FNDC3B: variants seen among roughly 807,000 people sequenced by gnomAD.
FNDC3B encodes fibronectin type III domain-containing protein 3B.
FNDC3B carries 12 observed loss-of-function variants against 151.5 expected under a neutral mutation model. The ratio of observed to expected loss-of-function variants is 0.08; its 90% CI spans 0.05 to 0.13. The LOEUF (loss-of-function observed/expected upper bound fraction) is 0.13. Ranked by LOEUF, FNDC3B falls within the 10% of genes least tolerant of loss-of-function variation. The pLI is 1.00. For missense variants in FNDC3B, 1,214 were observed against 1,505.3 expected (o/e 0.81, Z 3.20); for synonymous variants, 528 against 549.0 (o/e 0.96, Z 0.54).
intron 3 of FNDC3B, among the ~76,000 whole-genome samples, chr3:172,212,240 T>G (rs1725767047): frequency 6.6e-6 from 1 of 152,258 alleles, no homozygotes; most frequent in Admixed American, 6.5e-5. Flanking sequence ...TTTATGGAAC[T>G]CTGTTAATGA....
intron 18 of FNDC3B, 138 bp from the exon 19 acceptor site, chr3:172,343,948 G>A: frequency 1.5e-6 from 1 of 685,512 alleles, no homozygotes. Context: ...TTTTTTGGTG[G>A]GCATGGATTC....
intron 11 of FNDC3B, among the ~76,000 whole-genome samples, chr3:172,318,612 A>G (rs1731932728): frequency 1.3e-5 from 2 of 152,202 alleles, no homozygotes; most frequent in Non-Finnish European, 2.9e-5. Flanking sequence ...GCATGGATGA[A>G]GAGAGCCCCC....
At chr3:172,194,219 C>CAA (rs529754937) in intron 3 of FNDC3B, among the ~76,000 whole-genome samples, 10 of 145,006 alleles carry the variant, frequency 6.9e-5, no homozygotes, top group African/African-American at 2.5e-4. Context: ...GACTCCATCT[C>CAA]AAAAAAAAAA....
At chr3:172,250,618 T>C (rs1412457585) in intron 5 of FNDC3B, among the ~76,000 whole-genome samples, 1 of 152,192 alleles carries the variant, frequency 6.6e-6, no homozygotes, top group African/African-American at 2.4e-5. Flanking sequence ...TGAAAACATA[T>C]TGAAAGGTAA....
At chr3:172,331,128 G>T (rs2061244525) in intron 13 of FNDC3B, among the ~76,000 whole-genome samples, 1 of 152,122 alleles carries the variant, frequency 6.6e-6, no homozygotes, top group Non-Finnish European at 1.5e-5. Flanking sequence ...CTAGGCTTCA[G>T]TCTGTTCTCC....
chr3:172,236,682 G>A (rs1313303516), intron 4 of FNDC3B, among the ~76,000 whole-genome samples: 1 of 152,138 alleles, frequency 6.6e-6, no homozygotes, highest in Non-Finnish European at 1.5e-5. Context: ...TTGCCCATGG[G>A]ATTCTCTATC....
intron 23 of FNDC3B, among the ~76,000 whole-genome samples, chr3:172,377,182 TTCC>T (rs1735192418): frequency 6.6e-6 from 1 of 152,244 alleles, no homozygotes; most frequent in Admixed American, 6.5e-5. Flanking sequence ...AGTGGCCAAC[TTCC>T]AGTATCTGAA....
chr3:172,061,045 C>T (rs138964540), intron 1 of FNDC3B, among the ~76,000 whole-genome samples: 4 of 152,254 alleles, frequency 2.6e-5, no homozygotes, highest in Admixed American at 2.0e-4. Context: ...TGTTTCTATA[C>T]CTCCTGAGCT....
intron 3 of FNDC3B, among the ~76,000 whole-genome samples, chr3:172,176,780 A>G (rs1034819391): frequency 1.3e-5 from 2 of 152,198 alleles, no homozygotes; most frequent in African/African-American, 2.4e-5. Context: ...TATTTGTTGA[A>G]TGAAGCACAG....
chr3:172,330,346 TAGA>T, intron 12 of FNDC3B, 192 bp from the exon 13 acceptor site: 1 of 502,954 alleles, frequency 2.0e-6, no homozygotes, highest in Non-Finnish European at 3.5e-6. Context: ...GTGTGTCTAG[TAGA>T]AGATCATGGG....
chr3:172,312,713 C>T (rs1015589991), intron 11 of FNDC3B, among the ~76,000 whole-genome samples: 3 of 152,176 alleles, frequency 2.0e-5, no homozygotes, highest in East Asian at 3.9e-4. Context: ...TGCCTAAGAC[C>T]GTGAGTTCCT....
At chr3:172,200,161 A>G (rs1725071682) in intron 3 of FNDC3B, among the ~76,000 whole-genome samples, 1 of 152,028 alleles carries the variant, frequency 6.6e-6, no homozygotes, top group Admixed American at 6.5e-5. Context: ...ACATACCCAC[A>G]CTCACTTAGA....
chr3:172,082,715 G>A (rs1041224870), intron 1 of FNDC3B, among the ~76,000 whole-genome samples: 4 of 152,136 alleles, frequency 2.6e-5, no homozygotes, highest in African/African-American at 4.8e-5. Flanking sequence ...ACAGATTCAG[G>A]CCCAGAGAAG....
chr3:172,052,621 C>T (rs1162886911), intron 1 of FNDC3B, among the ~76,000 whole-genome samples: 1 of 152,142 alleles, frequency 6.6e-6, no homozygotes, highest in Non-Finnish European at 1.5e-5. Context: ...AGAAGAATCT[C>T]CTGGGACATT....
chr3:172,144,995 C>G (rs1389218018), intron 3 of FNDC3B, among the ~76,000 whole-genome samples: 1 of 151,900 alleles, frequency 6.6e-6, no homozygotes, highest in Non-Finnish European at 1.5e-5. Flanking sequence ...CCCTCCTCCC[C>G]CTACCACTTT....
chr3:172,076,411 C>G (rs1208558611), intron 1 of FNDC3B, among the ~76,000 whole-genome samples: 1 of 152,128 alleles, frequency 6.6e-6, no homozygotes, highest in Non-Finnish European at 1.5e-5. Context: ...ATGAAATACC[C>G]AAGCGCTCAG....
At chr3:172,156,688 T>G (rs1264522249) in intron 3 of FNDC3B, among the ~76,000 whole-genome samples, 1 of 124,274 alleles carries the variant, frequency 8.0e-6, no homozygotes, top group African/African-American at 3.0e-5. Context: ...AGTGCTGAGT[T>G]TTGAAGTTTT....
intron 3 of FNDC3B, among the ~76,000 whole-genome samples, chr3:172,146,250 G>A (rs1409889014): frequency 6.6e-6 from 1 of 152,188 alleles, no homozygotes; most frequent in African/African-American, 2.4e-5. Flanking sequence ...CTTATTCTGT[G>A]AGTCAAGCGC....
chr3:172,186,616 C>T (rs979455235), intron 3 of FNDC3B: 6 of 661,612 alleles, frequency 9.1e-6, no homozygotes, highest in African/African-American at 1.8e-5. Context: ...AATCCTATAC[C>T]AGCATTTTAA....
Sources: gnomAD v4.1 joint callset for allele counts (sites outside exome capture counted in the v4.1 genomes callset) on GRCh38, gnomAD v4.1.1 for gene constraint, MANE v1.5 for transcripts, NCBI Gene and HGNC (gene_info 2026-07-23, HGNC 2026-07-21) for gene names.